RSPO2: variants seen among roughly 807,000 people sequenced by gnomAD.
RSPO2 encodes the protein R-spondin 2, also known as R-spondin-2.
Under a neutral mutation model 30.9 loss-of-function variants are expected in RSPO2, and 14 were observed. The observed-to-expected ratio is 0.45, with a 90% confidence interval of 0.30 to 0.71. RSPO2 has a LOEUF of 0.71. Among genes scored for constraint, RSPO2 ranks in the 30% least tolerant of loss-of-function variants. The pLI is 0.08. For missense variants in RSPO2, 264 were observed against 301.9 expected, an observed-to-expected ratio of 0.87 and a Z score of 0.93; for synonymous variants, 107 against 96.4, an observed-to-expected ratio of 1.11 and a Z score of -0.64.
intron 5 of RSPO2, among the ~76,000 whole-genome samples, chr8:107,922,354 C>T (rs891117233): frequency 6.6e-6 from 1 of 152,094 alleles, no homozygotes; most frequent in East Asian, 1.9e-4. Flanking sequence ...TTACAATAGC[C>T]ACAAGAAGAA....
chr8:108,075,372 T>G (rs1812978610), intron 2 of RSPO2, among the ~76,000 whole-genome samples: 1 of 151,888 alleles, frequency 6.6e-6, no homozygotes, highest in African/African-American at 2.4e-5. Flanking sequence ...TCCCAGCTAC[T>G]TGGGAAGCTG....
At position 107,925,520 on chromosome 8, in the gene RSPO2, C is replaced by T. The variant is rs952205355; in HGVS notation, c.617-24330G>A. Among the ~76,000 whole-genome samples, 23 of 151,974 alleles carry T rather than the reference C, an allele frequency of 1.5e-4. 1 individual carries two copies. The highest frequency in any genetic ancestry group is 5.6e-4 in the African/African-American group (23 of 41,424). On this transcript the variant is annotated intron_variant, in intron 5 of 5. Coordinates refer to ENST00000276659, the MANE Select transcript of RSPO2 (RefSeq NM_178565.5). ...GCTGCACCCATTAACTCATCATTTA[C>T]GTTAGGTATTTCTCCTAATGCTATC...
chr8:108,058,547 C>G (rs1395063390), intron 2 of RSPO2, among the ~76,000 whole-genome samples: 1 of 152,118 alleles, frequency 6.6e-6, no homozygotes, highest in African/African-American at 2.4e-5. Context: ...CAAGTCAATC[C>G]TAAGCCAAAA....
At chr8:107,943,087 TG>T (rs1264978246) in intron 5 of RSPO2, among the ~76,000 whole-genome samples, 3 of 152,168 alleles carry the variant, frequency 2.0e-5, no homozygotes, top group Admixed American at 6.5e-5. Flanking sequence ...TAAACAAAAG[TG>T]GAGAGACAAT....
intron 5 of RSPO2, among the ~76,000 whole-genome samples, chr8:107,935,877 T>C (rs868363416): frequency 1.3e-5 from 2 of 152,190 alleles, no homozygotes; most frequent in South Asian, 2.1e-4. Flanking sequence ...ATTTGTTACA[T>C]GCATAGACTG....
At chr8:107,969,482 C>G (rs1813924990) in intron 3 of RSPO2, among the ~76,000 whole-genome samples, 1 of 151,988 alleles carries the variant, frequency 6.6e-6, no homozygotes, top group Non-Finnish European at 1.5e-5. Flanking sequence ...TCTTGCCCAC[C>G]CACATAGAAA....
In RSPO2 at chr8:108,082,719, C is replaced by A; in HGVS notation, c.-81G>T. The A allele has an allele frequency of 1.6e-6, 2 of 1,236,892 alleles. No homozygotes were observed. The highest frequency in any genetic ancestry group is 1.3e-5 in the South Asian group (1 of 77,250). The allele number at this position is 1,236,892 out of a possible 1,614,324, so 76.6% of individuals were successfully genotyped here. ...GCCCAAAGAGCCGGCGCCGGCCGCG[C>A]TGCTGGGGAGGACTCAGAGGGAGAC... is the stretch of plus-strand genomic sequence containing the variant. On this transcript the variant is annotated 5_prime_UTR_variant, in exon 2 of 6. Transcript: ENST00000276659.
chr8:108,075,946 A>C (rs1264540832), intron 2 of RSPO2, among the ~76,000 whole-genome samples: 1 of 152,228 alleles, frequency 6.6e-6, no homozygotes, highest in East Asian at 1.9e-4. Flanking sequence ...AGTTCTGCCT[A>C]AGAGAAGCTT....
intron 2 of RSPO2, among the ~76,000 whole-genome samples, chr8:108,003,355 C>G (rs1285065987): frequency 8.3e-6 from 1 of 120,972 alleles, no homozygotes; most frequent in Non-Finnish European, 1.6e-5. Context: ...GACGGGGTTT[C>G]TCCATGTTGG....
At chr8:108,074,766 G>A (rs1020708407) in intron 2 of RSPO2, among the ~76,000 whole-genome samples, 4 of 152,182 alleles carry the variant, frequency 2.6e-5, no homozygotes, top group African/African-American at 7.2e-5. Flanking sequence ...TTGGATCCTA[G>A]CTCTGTTCTC....
chr8:108,000,808 T>C (rs976631884), intron 2 of RSPO2, among the ~76,000 whole-genome samples: 3 of 152,092 alleles, frequency 2.0e-5, no homozygotes, highest in Non-Finnish European at 2.9e-5. Context: ...GAGATGATCC[T>C]GGCTAACACA....
intron 2 of RSPO2, among the ~76,000 whole-genome samples, chr8:108,010,724 T>C (rs1430138706): frequency 6.6e-6 from 1 of 152,062 alleles, no homozygotes; most frequent in African/African-American, 2.4e-5. Flanking sequence ...CAGGATGATA[T>C]GAGGTCTCCA....
At chr8:108,008,789 A>AC (rs1404643482) in intron 2 of RSPO2, among the ~76,000 whole-genome samples, 1 of 145,768 alleles carries the variant, frequency 6.9e-6, no homozygotes, top group Non-Finnish European at 1.5e-5. Flanking sequence ...ATAAACTGCA[A>AC]AAAAAAAAAA....
rs542699163 is a variant in RSPO2 at position 107,972,658 on chromosome 8, T to G, written c.284-11841A>C. 2.0e-5 allele frequency among the ~76,000 whole-genome samples: 3 copies of G among 152,084 alleles called. No homozygotes were observed. The East Asian group carries it at 5.8e-4, about 30-fold the overall frequency. On this transcript the variant is annotated intron_variant, in intron 3 of 5. Transcript: ENST00000276659. ...AGGGTGGGAGGGAGAGACTGAACAT[T>G]AAACTAGACTTAGAATACACAGAAA... is the stretch of plus-strand genomic sequence containing the variant.
intron 2 of RSPO2, among the ~76,000 whole-genome samples, chr8:108,039,315 T>C (rs2130652680): frequency 6.6e-6 from 1 of 152,318 alleles, no homozygotes; most frequent in East Asian, 1.9e-4. Context: ...TTCCCAGTAA[T>C]TGAGAATATA....
rs567034930 is a variant in RSPO2 at position 107,987,591 on chromosome 8, G to T, written c.283+1465C>A. Among the ~76,000 whole-genome samples the T allele has an allele frequency of 2.0e-5, 3 of 152,258 alleles. No individual in the cohort carries two copies. The South Asian group carries it at 6.2e-4, about 32-fold the overall frequency. Reference sequence around the variant, plus strand: ...GACACAAAGGACATTTAATGGGCAGGGACCAAGGACACTAAATGTCCAGCA... The same window carrying T: ...GACACAAAGGACATTTAATGGGCAGTGACCAAGGACACTAAATGTCCAGCA... On this transcript the variant is annotated intron_variant, in intron 3 of 5. Transcript: ENST00000276659.
intron 2 of RSPO2, among the ~76,000 whole-genome samples, chr8:108,041,913 C>A (rs1811772015): frequency 6.6e-6 from 1 of 152,000 alleles, no homozygotes; most frequent in East Asian, 1.9e-4. Context: ...TGGAAGATGA[C>A]CATGGGTCCA....
chr8:107,972,377 C>T (rs1814031197), intron 3 of RSPO2, among the ~76,000 whole-genome samples: 1 of 152,066 alleles, frequency 6.6e-6, no homozygotes, highest in Non-Finnish European at 1.5e-5. Flanking sequence ...AACTCCTGAC[C>T]TCCAGTGATC....
intron 2 of RSPO2, among the ~76,000 whole-genome samples, chr8:108,044,621 A>C (rs1811856905): frequency 6.6e-6 from 1 of 152,122 alleles, no homozygotes; most frequent in Non-Finnish European, 1.5e-5. Flanking sequence ...ATTGATGGGC[A>C]TCTAGATTGA....
Sources: allele counts gnomAD v4.1 joint callset (sites outside exome capture counted in the v4.1 genomes callset), GRCh38; gene constraint gnomAD v4.1.1; transcripts MANE v1.5; gene names NCBI Gene and HGNC (gene_info 2026-07-23, HGNC 2026-07-21).